Variants in SFXN3 observed in about 807,000 individuals in gnomAD.
The protein encoded by SFXN3 is sideroflexin-3.
In SFXN3, 31 loss-of-function variants were observed where a neutral mutation model predicts 40.4. That is an observed-to-expected ratio of 0.77 (90% CI 0.58 to 1.04). The LOEUF is 1.04. Ranked by LOEUF, SFXN3 falls within the 50% of genes least tolerant of loss-of-function variation. The pLI is 0.00. For synonymous variants in SFXN3, 157 were observed against 160.0 expected, an observed-to-expected ratio of 0.98 and a Z score of 0.14; for missense variants, 366 against 408.2, an observed-to-expected ratio of 0.90 and a Z score of 0.89.
chr10:101,034,197 G>C (rs1403304121), intron 2 of SFXN3, among the ~76,000 whole-genome samples: 8 of 152,014 alleles, frequency 5.3e-5, no homozygotes, highest in Non-Finnish European at 8.8e-5. Flanking sequence ...AACCTTGGAC[G>C]ATACCCCGCT....
rs1938633690 is a variant in SFXN3 at position 101,036,848 on chromosome 10, G to A, written c.593+40G>A. On this transcript the variant is annotated intron_variant, in intron 7 of 11. Transcript: ENST00000393459. The surrounding 1 kb of genome is among the most constrained non-coding windows in gnomAD (Gnocchi z 4.2). ...CTCCTGGCATGTGCATGCCCAGAAT[G>A]TAGCACACTGTCCATCCACGCAGAC... The A allele has an allele frequency of 6.2e-7, 1 of 1,602,816 alleles. No individual in the cohort carries two copies. Among genetic ancestry groups the A allele is most frequent in the Non-Finnish European group, 8.5e-7 (1 of 1,171,234 alleles).
chr10:101,037,357 C>A, intron 8 of SFXN3, 25 bp from the exon 9 acceptor site: 2 of 1,614,126 alleles, frequency 1.2e-6, no homozygotes, highest in Admixed American at 1.7e-5. Context: ...TAATGTTCTC[C>A]TTCTTGGCCC....
exon 3 of SFXN3, chr10:101,034,807 T>C (rs1938508113): frequency 6.2e-7 from 1 of 1,614,106 alleles, no homozygotes; most frequent in African/African-American, 1.3e-5. Flanking sequence ...AATCTGCTGC[T>C]GTCCGGGGCA....
In SFXN3 at chr10:101,039,372, C is replaced by G; in HGVS notation, c.870-117C>G. ...GTGGGGGAATGACAGTGAGCCAGTC[C>G]TTCTGGCAGTAGAAGGAGAGGATTT... On this transcript the variant is annotated intron_variant, in intron 11 of 11. Coordinates refer to ENST00000393459, the Ensembl canonical transcript of SFXN3. This position sits in a 1 kb window ranked among gnomAD's most constrained non-coding sequence, Gnocchi z 4.6. 3 of 1,215,328 alleles carry G rather than the reference C, an allele frequency of 2.5e-6. No individual in the cohort carries two copies. The highest frequency in any genetic ancestry group is 3.6e-6 in the Non-Finnish European group (3 of 824,156). The allele number at this position is 1,215,328 out of a possible 1,614,324, so 75.3% of individuals were successfully genotyped here.
In SFXN3 at chr10:101,037,416, G is replaced by A. The variant is rs776893767; in HGVS notation, c.756G>A (p.Lys252=). 2.2e-5 allele frequency: 36 copies of A among 1,614,094 alleles called. No homozygotes were observed. The Admixed American group carries it at 3.3e-4, about 15-fold the overall frequency. ...CACTGATCATGGACACTCTGGAGAA[G>A]AAAGACTTCCTGAAGGTAGGCGACT... The change falls in exon 9 of 12, where the codon AAG becomes AAA. Residue 252 remains lysine (K), a synonymous_variant. Transcript: ENST00000393459.
Position 101,036,608 on chromosome 10 carries a change from C to T in SFXN3, c.507+47C>T. 2.5e-6 allele frequency: 4 copies of T among 1,611,764 alleles called. No homozygotes were observed. Among genetic ancestry groups the T allele is most frequent in the South Asian group, 1.1e-5 (1 of 90,896 alleles). On this transcript the variant is annotated intron_variant, in intron 6 of 11. Transcript: ENST00000393459. This position sits in a 1 kb window ranked among gnomAD's most constrained non-coding sequence, Gnocchi z 4.2. The stretch of plus-strand genomic sequence containing the variant: ...GACCACCCCATTCATCCTCTATCTG[C>T]CTCCTTCTTCCTCATCACACCTCCA...
In SFXN3 at chr10:101,039,560, T is replaced by C. The variant is rs920044431; in HGVS notation, c.941T>C (p.Val314Ala). The C allele has an allele frequency of 1.9e-6, 3 of 1,614,080 alleles. No homozygotes were observed. Among genetic ancestry groups the C allele is most frequent in the African/African-American group, 1.3e-5 (1 of 75,020 alleles). Residue 314 changes from valine (V) to alanine (A), a missense_variant, in exon 12 of 12, where the codon GTG (valine) becomes GCG (alanine). Physicochemically the swap from Val to Ala is moderately conservative, Grantham distance 64 (BLOSUM62 0). Transcript: ENST00000393459. The surrounding 1 kb of genome is among the most constrained non-coding windows in gnomAD (Gnocchi z 4.6). ...CATGAGCAAAACCCCAGCGTTGAAG[T>C]GGTCTACTACAACAAGGGGCTTTGA... is the stretch of plus-strand genomic sequence containing the variant.
At chr10:101,033,452 T>C (rs892817529) in intron 2 of SFXN3, among the ~76,000 whole-genome samples, 1 of 152,078 alleles carries the variant, frequency 6.6e-6, no homozygotes, top group Non-Finnish European at 1.5e-5. Flanking sequence ...CCCTTCCCCC[T>C]CCTCCAGTGG....
rs1327352346 is a variant in SFXN3, at chr10:101,036,043, T to A, written c.373T>A (p.Ser125Thr). 6.2e-7 allele frequency: 1 copy of A among 1,613,918 alleles called. No individual in the cohort carries two copies. Residue 125 changes from serine to threonine, a missense_variant, in exon 5 of 12, where the codon TCC becomes ACC. Transcript: ENST00000393459. The surrounding 1 kb of genome is among the most constrained non-coding windows in gnomAD (Gnocchi z 4.2). ...GGTGTTCTGGCAGTGGGTGAATCAGTCCTTCAATGCCATTGTTAACTACTC... is the reference window on the plus strand; with the variant it reads ...GGTGTTCTGGCAGTGGGTGAATCAGACCTTCAATGCCATTGTTAACTACTC...
chr10:101,038,777 T>C, intron 10 of SFXN3, 85 bp downstream of exon 10: 2 of 1,571,484 alleles, frequency 1.3e-6, no homozygotes, highest in Non-Finnish European at 1.7e-6. Context: ...CTTTAAGATG[T>C]TTATAGACAT....
chr10:101,032,393 A>C, exon 2 of SFXN3: 2 of 1,268,656 alleles, frequency 1.6e-6, no homozygotes, highest in South Asian at 1.4e-5. Flanking sequence ...GTCACGCGTG[A>C]CGTCCCGCGT....
exon 2 of SFXN3, chr10:101,032,386 A>G (rs1049286669): frequency 1.5e-6 from 2 of 1,328,740 alleles, no homozygotes; most frequent in Admixed American, 2.9e-5. Flanking sequence ...GGTCGGCGTC[A>G]CGCGTGACGT....
chr10:101,032,524 G>C, intron 2 of SFXN3, 42 bp downstream of exon 2: 2 of 1,518,816 alleles, frequency 1.3e-6, no homozygotes, highest in Non-Finnish European at 1.8e-6. Flanking sequence ...TCTGGAATGG[G>C]GGTCAGAGAA....
exon 8 of SFXN3, chr10:101,037,151 G>A (rs150626788): frequency 3.7e-6 from 6 of 1,613,984 alleles, no homozygotes; most frequent in Non-Finnish European, 5.1e-6. Context: ...CAGCCAAGCA[G>A]GGAATCTTCC....
exon 12 of SFXN3, chr10:101,040,213 T>A (rs948793856): frequency 1.3e-5 from 2 of 154,186 alleles, no homozygotes; most frequent in African/African-American, 4.8e-5. Flanking sequence ...CTGGAATAGC[T>A]CCATTTCCCC....
chr10:101,032,389 C>T (rs182073929), exon 2 of SFXN3: 2 of 1,429,294 alleles, frequency 1.4e-6, no homozygotes, highest in African/African-American at 1.5e-5. Context: ...CGGCGTCACG[C>T]GTGACGTCCC....
At chr10:101,037,940 GAA>G in intron 9 of SFXN3, 1 of 759,956 alleles carries the variant, frequency 1.3e-6, no homozygotes, top group South Asian at 5.5e-5. Flanking sequence ...CTGTCCTCAT[GAA>G]GTTTATAGTC....
In SFXN3 at chr10:101,038,537, A is replaced by C. The variant is rs949809564; in HGVS notation, c.772-106A>C. ...GGAGAAAGAAAACGGCCACAGGTCT[A>C]AGGGCTCCAAGGCAAGGCTGATGGG... On this transcript the variant is annotated intron_variant, in intron 9 of 11. Transcript: ENST00000393459. 10 of 1,602,852 alleles carry C rather than the reference A, an allele frequency of 6.2e-6. No homozygotes were observed. In the Admixed American group the frequency reaches 1.4e-4, roughly 22 times the overall value.
At chr10:101,032,615 G>A in intron 2 of SFXN3, 133 bp downstream of exon 2, 1 of 1,034,676 alleles carries the variant, frequency 9.7e-7, no homozygotes, top group Non-Finnish European at 1.3e-6. Flanking sequence ...AGGGCACAAG[G>A]GAGGTTGGGG....
Sources: allele counts gnomAD v4.1 joint callset (sites outside exome capture counted in the v4.1 genomes callset), GRCh38; gene constraint gnomAD v4.1.1; non-coding constraint Gnocchi (gnomAD v3.1); transcripts MANE v1.5; gene names NCBI Gene and HGNC (gene_info 2026-07-23, HGNC 2026-07-21).